ATP6V1H: variants seen among roughly 807,000 people sequenced by gnomAD.
The protein encoded by ATP6V1H is V-type proton ATPase subunit H.
A neutral mutation model predicts 71.7 loss-of-function variants in ATP6V1H; 39 were observed. That is an observed-to-expected ratio of 0.54 (90% confidence interval 0.42 to 0.71). The LOEUF (loss-of-function observed/expected upper bound fraction) is 0.71. Ranked by LOEUF, ATP6V1H falls within the 30% of genes least tolerant of loss-of-function variation. The probability of loss-of-function intolerance (pLI) is 0.00; values close to 1 mark genes in which losing one functional copy is unlikely to be tolerated. For synonymous variants in ATP6V1H, 192 were observed against 199.3 expected (o/e 0.96, Z 0.31); for missense variants, 509 against 594.9 (o/e 0.86, Z 1.50).
At chr8:53,830,418 G>A (rs891717607) in intron 3 of ATP6V1H, among the ~76,000 whole-genome samples, 1 of 151,996 alleles carries the variant, frequency 6.6e-6, no homozygotes, top group Non-Finnish European at 1.5e-5. Flanking sequence ...TAGAACTTAC[G>A]CCTACCTATG....
At position 53,785,965 on chromosome 8, in the gene ATP6V1H, A is replaced by G. The variant is rs1809368058; in HGVS notation, c.870+9682T>C. Among the ~76,000 whole-genome samples, 3 of 152,194 alleles carry G rather than the reference A, an allele frequency of 2.0e-5. No individual in the cohort carries two copies. The South Asian group carries it at 6.2e-4, about 32-fold the overall frequency. ...CCACCCTTACTGCGGGATGCCTCCC[A>G]GTTAGGCTACTCGGGGGTCAGGGAC... On this transcript the variant is annotated intron_variant, in intron 9 of 13. Coordinates refer to ENST00000359530, the MANE Select transcript of ATP6V1H (RefSeq NM_015941.4).
chr8:53,835,730 A>C (rs965048444), intron 2 of ATP6V1H, among the ~76,000 whole-genome samples: 5 of 152,102 alleles, frequency 3.3e-5, no homozygotes, highest in African/African-American at 1.2e-4. Context: ...CTTAATTACC[A>C]ACCCAAAGGA....
At chr8:53,795,609 AT>A in intron 9 of ATP6V1H, 37 bp downstream of exon 9, 1 of 1,583,386 alleles carries the variant, frequency 6.3e-7, no homozygotes, top group South Asian at 1.1e-5. Flanking sequence ...ACAGTGAAAA[AT>A]GCCTCACATA....
chr8:53,821,008 A>G (rs1174273507), intron 4 of ATP6V1H, among the ~76,000 whole-genome samples: 5 of 151,234 alleles, frequency 3.3e-5, no homozygotes, highest in Non-Finnish European at 5.9e-5. Context: ...AAAAGAAAAA[A>G]GAAAAGAAAG....
chr8:53,760,254 T>C (rs964816785), intron 11 of ATP6V1H, among the ~76,000 whole-genome samples: 1 of 152,176 alleles, frequency 6.6e-6, no homozygotes, highest in Non-Finnish European at 1.5e-5. Context: ...AACCAGTATA[T>C]GACCTTCCTC....
chr8:53,813,628 C>T (rs1342095685), intron 6 of ATP6V1H, among the ~76,000 whole-genome samples: 1 of 152,162 alleles, frequency 6.6e-6, no homozygotes, highest in East Asian at 1.9e-4. Flanking sequence ...CACCAAACCT[C>T]TTCATACCTA....
chr8:53,753,567 T>G (rs1807878258), intron 12 of ATP6V1H, among the ~76,000 whole-genome samples: 1 of 152,208 alleles, frequency 6.6e-6, no homozygotes, highest in South Asian at 2.1e-4. Context: ...GAAGATGAAT[T>G]CTTCAACATG....
At chr8:53,819,379 A>G (rs1250857674) in intron 4 of ATP6V1H, among the ~76,000 whole-genome samples, 1 of 150,860 alleles carries the variant, frequency 6.6e-6, no homozygotes, top group Non-Finnish European at 1.5e-5. Context: ...TGAAAATGCA[A>G]AAATTAGCCG....
chr8:53,785,574 C>A (rs1164819953), intron 9 of ATP6V1H, among the ~76,000 whole-genome samples: 1 of 152,196 alleles, frequency 6.6e-6, no homozygotes, highest in Admixed American at 6.5e-5. Flanking sequence ...TGTTCCGTTG[C>A]TGGTGAGGAG....
chr8:53,821,068 GAA>G (rs35308799), intron 4 of ATP6V1H, among the ~76,000 whole-genome samples: 4 of 123,116 alleles, frequency 3.2e-5, no homozygotes, highest in Non-Finnish European at 5.3e-5. Context: ...CATCTCACCA[GAA>G]AAAAAAAAAA....
intron 13 of ATP6V1H, among the ~76,000 whole-genome samples, chr8:53,719,873 T>G (rs767280754): frequency 6.6e-6 from 1 of 152,168 alleles, no homozygotes. Context: ...CTCAGAAAGG[T>G]GCAGAAGGCA....
intron 8 of ATP6V1H, among the ~76,000 whole-genome samples, chr8:53,798,744 T>C (rs2130426142): frequency 6.6e-6 from 1 of 152,338 alleles, no homozygotes; most frequent in Middle Eastern, 3.4e-3. Flanking sequence ...CAGCAAGTTA[T>C]TATACTTTTA....
intron 8 of ATP6V1H, among the ~76,000 whole-genome samples, chr8:53,797,909 T>A (rs974645077): frequency 1.6e-4 from 25 of 152,236 alleles, no homozygotes; most frequent in African/African-American, 5.3e-4. Context: ...AGTTAATAAT[T>A]CTTCATATCA....
chr8:53,783,459 C>G (rs199665455), intron 9 of ATP6V1H, among the ~76,000 whole-genome samples: 1 of 151,872 alleles, frequency 6.6e-6, no homozygotes, highest in Non-Finnish European at 1.5e-5. Context: ...CTTGCTAGTG[C>G]TCTATCAATT....
intron 6 of ATP6V1H, among the ~76,000 whole-genome samples, chr8:53,813,594 C>T (rs1810354427): frequency 6.6e-6 from 1 of 152,126 alleles, no homozygotes; most frequent in East Asian, 1.9e-4. Flanking sequence ...ACCTTCAGTT[C>T]TCTCCTCTTC....
At position 53,815,765 on chromosome 8, in the gene ATP6V1H, C is replaced by T. The variant is rs111291172; in HGVS notation, c.421-999G>A. On this transcript the variant is annotated intron_variant, in intron 5 of 13. Transcript: ENST00000359530. ...ACTTAAAAAGATTACTGTTAGGAGG[C>T]CAAGGATTGAAAATATTATCAGCAG... 6.6e-5 allele frequency among the ~76,000 whole-genome samples: 10 copies of T among 152,202 alleles called. 1 individual carries two copies. Among genetic ancestry groups the T allele is most frequent in the African/African-American group, 2.4e-4 (10 of 41,516 alleles).
chr8:53,820,855 G>A (rs1265523585), intron 4 of ATP6V1H, among the ~76,000 whole-genome samples: 7 of 151,466 alleles, frequency 4.6e-5, no homozygotes, highest in African/African-American at 7.3e-5. Flanking sequence ...GGTAGCACAC[G>A]CTTGTAATCC....
At chr8:53,716,559 T>G (rs1298364641) in intron 13 of ATP6V1H, among the ~76,000 whole-genome samples, 2 of 152,210 alleles carry the variant, frequency 1.3e-5, no homozygotes, top group Non-Finnish European at 2.9e-5. Context: ...CATCAGGAGC[T>G]ACTGGTCTGG....
intron 11 of ATP6V1H, among the ~76,000 whole-genome samples, chr8:53,759,205 A>G (rs1213714240): frequency 6.6e-6 from 1 of 152,238 alleles, no homozygotes; most frequent in Non-Finnish European, 1.5e-5. Flanking sequence ...AAATCTGCAA[A>G]ATGTGGACAT....
Sources: allele counts gnomAD v4.1 joint callset (sites outside exome capture counted in the v4.1 genomes callset), GRCh38; gene constraint gnomAD v4.1.1; transcripts MANE v1.5; gene names NCBI Gene and HGNC (gene_info 2026-07-23, HGNC 2026-07-21).